The following NKAIN3 variants were observed in gnomAD, a reference collection of about 807,000 sequenced individuals.
The protein encoded by NKAIN3 is sodium/potassium-transporting ATPase subunit beta-1-interacting protein 3.
NKAIN3 carries 25 observed loss-of-function variants against 30.2 expected under a neutral mutation model. The ratio of observed to expected loss-of-function variants is 0.83; its 90% CI spans 0.60 to 1.16. NKAIN3 has a LOEUF of 1.16. Among genes scored for constraint, NKAIN3 ranks in the 50% most tolerant of loss-of-function variants. The pLI, the probability that NKAIN3 is intolerant of heterozygous loss-of-function variation, is 0.00. For missense variants in NKAIN3, 225 were observed against 254.1 expected (o/e 0.89, Z 0.78); for synonymous variants, 91 against 89.6 (o/e 1.02, Z -0.09).
chr8:62,722,092 A>T (rs1390943515), intron 3 of NKAIN3, among the ~76,000 whole-genome samples: 3 of 152,228 alleles, frequency 2.0e-5, no homozygotes, highest in African/African-American at 2.4e-5. Context: ...ATGTTTTAAG[A>T]TTAGCCACTA....
At chr8:62,460,235 A>C (rs1805950950) in intron 1 of NKAIN3, among the ~76,000 whole-genome samples, 1 of 151,922 alleles carries the variant, frequency 6.6e-6, no homozygotes. Flanking sequence ...AACATGGCGA[A>C]ACCCCGTCTC....
At chr8:62,722,010 G>T (rs760538569) in intron 3 of NKAIN3, among the ~76,000 whole-genome samples, 9 of 152,114 alleles carry the variant, frequency 5.9e-5, no homozygotes, top group Non-Finnish European at 1.2e-4. Context: ...TTCCACTTTG[G>T]ATAAGAATAT....
intron 1 of NKAIN3, among the ~76,000 whole-genome samples, chr8:62,555,160 AT>A (rs35656318): frequency 0.4 from 61,129 of 151,684 alleles, 13,188 homozygotes; most frequent in Non-Finnish European, 0.5. Context: ...CCTTAAATAT[AT>A]GCAATATAAA....
At chr8:62,554,515 T>G (rs1442306287) in intron 1 of NKAIN3, among the ~76,000 whole-genome samples, 1 of 152,114 alleles carries the variant, frequency 6.6e-6, no homozygotes, top group Non-Finnish European at 1.5e-5. Flanking sequence ...ACAGAAAAAT[T>G]TCTCCTGAAT....
intron 1 of NKAIN3, among the ~76,000 whole-genome samples, chr8:62,453,744 A>C (rs1805722261): frequency 6.6e-6 from 1 of 152,214 alleles, no homozygotes; most frequent in Non-Finnish European, 1.5e-5. Flanking sequence ...GACTGTTATA[A>C]GCACCGATAT....
chr8:62,570,643 C>T (rs1481832127), intron 1 of NKAIN3, among the ~76,000 whole-genome samples: 1 of 152,136 alleles, frequency 6.6e-6, no homozygotes, highest in Non-Finnish European at 1.5e-5. Context: ...TCAATCATCT[C>T]CCACCAGGTC....
At chr8:62,772,580 A>G (rs143325040) in intron 4 of NKAIN3, among the ~76,000 whole-genome samples, 1 of 151,914 alleles carries the variant, frequency 6.6e-6, no homozygotes, top group East Asian at 1.9e-4. Context: ...TCTGACGTTC[A>G]GTGATGTTGA....
chr8:62,732,517 G>A (rs1388135772), intron 3 of NKAIN3, among the ~76,000 whole-genome samples: 4 of 151,742 alleles, frequency 2.6e-5, no homozygotes, highest in East Asian at 1.9e-4. Context: ...ATGTATAAAT[G>A]TATATTTTCT....
intron 4 of NKAIN3, among the ~76,000 whole-genome samples, chr8:62,860,240 C>T (rs191355361): frequency 6.6e-6 from 1 of 152,258 alleles, no homozygotes; most frequent in Non-Finnish European, 1.5e-5. Flanking sequence ...GGTATGGTAG[C>T]AGCAGATGCC....
At chr8:62,620,004 A>C (rs1563486847) in intron 3 of NKAIN3, among the ~76,000 whole-genome samples, 1 of 152,202 alleles carries the variant, frequency 6.6e-6, no homozygotes, top group Non-Finnish European at 1.5e-5. Flanking sequence ...ACGAGAGGAA[A>C]CCACATAAAT....
intron 5 of NKAIN3, among the ~76,000 whole-genome samples, chr8:62,924,066 T>A (rs1822365827): frequency 6.6e-6 from 1 of 152,180 alleles, no homozygotes; most frequent in Non-Finnish European, 1.5e-5. Context: ...GATTCCTGAT[T>A]ATAATTCAGC....
intron 1 of NKAIN3, among the ~76,000 whole-genome samples, chr8:62,551,571 CT>C (rs1291193211): frequency 6.6e-6 from 1 of 152,190 alleles, no homozygotes; most frequent in Non-Finnish European, 1.5e-5. Flanking sequence ...GACTTACAAA[CT>C]TTTGACTTAG....
At chr8:62,297,746 A>T (rs1256667544) in intron 1 of NKAIN3, among the ~76,000 whole-genome samples, 1 of 152,210 alleles carries the variant, frequency 6.6e-6, no homozygotes, top group Non-Finnish European at 1.5e-5. Flanking sequence ...TAGTTCAACC[A>T]TTGTGGAAGT....
intron 1 of NKAIN3, among the ~76,000 whole-genome samples, chr8:62,549,353 T>A (rs1283522514): frequency 6.6e-6 from 1 of 152,190 alleles, no homozygotes; most frequent in East Asian, 1.9e-4. Context: ...GAGGGGGGCC[T>A]GTTCCACATA....
chr8:62,816,927 T>C (rs1292495882), intron 4 of NKAIN3, among the ~76,000 whole-genome samples: 1 of 151,848 alleles, frequency 6.6e-6, no homozygotes, highest in African/African-American at 2.4e-5. Flanking sequence ...CCTGCAAGAG[T>C]TGTGGGGCTT....
chr8:62,441,661 A>C (rs190234302), intron 1 of NKAIN3, among the ~76,000 whole-genome samples: 2 of 152,034 alleles, frequency 1.3e-5, no homozygotes, highest in Non-Finnish European at 2.9e-5. Context: ...TGTTAACTAC[A>C]TTAGATTTGC....
At chr8:62,568,806 T>C (rs1304828130) in intron 1 of NKAIN3, among the ~76,000 whole-genome samples, 1 of 152,174 alleles carries the variant, frequency 6.6e-6, no homozygotes, top group Non-Finnish European at 1.5e-5. Context: ...TCTTGAGATA[T>C]AGGGACTAAA....
intron 6 of NKAIN3, among the ~76,000 whole-genome samples, chr8:62,965,131 C>T (rs1283788139): frequency 6.6e-6 from 1 of 152,150 alleles, no homozygotes; most frequent in Non-Finnish European, 1.5e-5. Context: ...GTTGGCACTT[C>T]TCTCCCAGGA....
At chr8:62,506,524 G>A (rs1446306756) in intron 1 of NKAIN3, among the ~76,000 whole-genome samples, 1 of 128,884 alleles carries the variant, frequency 7.8e-6, no homozygotes, top group Non-Finnish European at 1.6e-5. Flanking sequence ...ACCCAGGCTG[G>A]AGTGCAGTGG....
Sources: gnomAD v4.1 joint callset for allele counts (sites outside exome capture counted in the v4.1 genomes callset) on GRCh38, gnomAD v4.1.1 for gene constraint, MANE v1.5 for transcripts, NCBI Gene and HGNC (gene_info 2026-07-23, HGNC 2026-07-21) for gene names.